Variants in NME8 observed in about 807,000 individuals in gnomAD.
NME8 encodes protein NME8.
A neutral mutation model predicts 82.3 loss-of-function variants in NME8; 72 were observed. The ratio of observed to expected loss-of-function variants is 0.87; its 90% confidence interval spans 0.72 to 1.06. The LOEUF (loss-of-function observed/expected upper bound fraction) is 1.06. NME8 is among the 50% of genes least tolerant of loss of function. The pLI, the probability that NME8 is intolerant of heterozygous loss-of-function variation, is 0.00. For synonymous variants in NME8, 267 were observed against 228.5 expected, an observed-to-expected ratio of 1.17 and a Z score of -1.52; for missense variants, 712 against 685.4, an observed-to-expected ratio of 1.04 and a Z score of -0.43.
At chr7:37,897,248 T>G in intron 17 of NME8, 141 bp downstream of exon 17, 4 of 639,696 alleles carry the variant, frequency 6.3e-6, no homozygotes, top group Non-Finnish European at 1.1e-5. Flanking sequence ...ACTGTTCTAT[T>G]GCATAGTAGC....
intron 11 of NME8, among the ~76,000 whole-genome samples, chr7:37,868,831 A>T (rs1784729100): frequency 6.6e-6 from 1 of 152,176 alleles, no homozygotes; most frequent in Non-Finnish European, 1.5e-5. Flanking sequence ...AAACGGTTGT[A>T]TATTTTTTGT....
At position 37,865,416 on chromosome 7, in the gene NME8, A is replaced by G. The variant is rs550018922; in HGVS notation, c.529-109A>G. ...TCCTATAGATTTTGCTGAGGTTCTT[A>G]TAGAAAATGTATTGAAAGCTGGTGG... is the stretch of plus-strand genomic sequence containing the variant. On this transcript the variant is annotated intron_variant, in intron 9 of 17. Coordinates refer to ENST00000199447, the MANE Select transcript of NME8 (RefSeq NM_016616.5). 29 of 751,938 alleles carry G rather than the reference A, an allele frequency of 3.9e-5. No homozygotes were observed. The African/African-American group carries it at 4.7e-4, about 12-fold the overall frequency. The allele number at this position is 751,938 out of a possible 1,614,324, so 46.6% of individuals were successfully genotyped here.
intron 12 of NME8, among the ~76,000 whole-genome samples, chr7:37,880,280 AGG>A (rs1188463440): frequency 6.6e-6 from 1 of 152,216 alleles, no homozygotes; most frequent in African/African-American, 2.4e-5. Context: ...GCTAACCACA[AGG>A]TCACCTAGAT....
intron 5 of NME8, among the ~76,000 whole-genome samples, chr7:37,854,525 C>T (rs1014529486): frequency 3.3e-5 from 5 of 152,100 alleles, no homozygotes; most frequent in African/African-American, 1.2e-4. Flanking sequence ...TATGTGGTAC[C>T]AATCCTTCTT....
chr7:37,864,074 G>A (rs374948441), intron 8 of NME8, among the ~76,000 whole-genome samples: 5 of 152,248 alleles, frequency 3.3e-5, no homozygotes, highest in East Asian at 3.9e-4. Flanking sequence ...CATGGGAATT[G>A]CATTCAAACC....
chr7:37,881,525 T>C (rs12701598), intron 12 of NME8, among the ~76,000 whole-genome samples: 71,098 of 151,952 alleles, frequency 0.47, 17,057 homozygotes, highest in East Asian at 0.74. Context: ...TGGTTTGTAA[T>C]TTTTTTATAC....
chr7:37,848,847 C>T lies in NME8; in HGVS notation c.-217C>T, dbSNP rs1181828273. 1 of 152,360 alleles carries T rather than the reference C, an allele frequency of 6.6e-6. No homozygotes were observed. The highest frequency in any genetic ancestry group is 6.5e-5 in the Admixed American group (1 of 15,288). 9.4% of individuals were successfully genotyped at this position (152,360 alleles called of 1,614,324 possible). A position where few individuals can be genotyped will look rare whatever the true frequency, so the allele number is the denominator to read the frequency against. On this transcript the variant is annotated 5_prime_UTR_variant, in exon 2 of 18. Transcript: ENST00000199447. ...AGACAGGCAGGGAATCCCTCTTCTT[C>T]CTTTTGCTGAATCAGCTGGAGAAGA...
chr7:37,883,492 C>G (rs530441640), intron 12 of NME8, among the ~76,000 whole-genome samples: 1 of 152,234 alleles, frequency 6.6e-6, no homozygotes, highest in Admixed American at 6.5e-5. Flanking sequence ...CTACTTTATT[C>G]ACTCTATTTC....
At chr7:37,869,304 C>T (rs1784735595) in intron 11 of NME8, among the ~76,000 whole-genome samples, 1 of 152,084 alleles carries the variant, frequency 6.6e-6, no homozygotes, top group Non-Finnish European at 1.5e-5. Context: ...CAGTTACTTT[C>T]AGGGTTTTAA....
chr7:37,878,354 T>C (rs1044396042), intron 12 of NME8, among the ~76,000 whole-genome samples: 8 of 152,190 alleles, frequency 5.3e-5, no homozygotes, highest in Non-Finnish European at 1.2e-4. Context: ...TTTGATTTGC[T>C]AATATTTTGT....
chr7:37,864,772 G>A (rs2122621), intron 9 of NME8, among the ~76,000 whole-genome samples: 5,625 of 152,234 alleles, frequency 0.037, 362 homozygotes, highest in African/African-American at 0.13. Flanking sequence ...ACATGGCTGG[G>A]GAGGCATCAC....
intron 17 of NME8, among the ~76,000 whole-genome samples, chr7:37,898,214 G>C (rs901721535): frequency 6.6e-6 from 1 of 152,180 alleles, no homozygotes; most frequent in African/African-American, 2.4e-5. Flanking sequence ...TCAGTGTACA[G>C]TGTACAATGA....
intron 14 of NME8, 53 bp from the exon 15 acceptor site, chr7:37,888,224 T>C (rs990201009): frequency 1.3e-6 from 2 of 1,550,696 alleles, no homozygotes; most frequent in Admixed American, 1.7e-5. Flanking sequence ...GAAATTGTGT[T>C]ATATTATTCT....
intron 15 of NME8, among the ~76,000 whole-genome samples, chr7:37,891,623 A>G (rs1317466108): frequency 6.6e-6 from 1 of 151,942 alleles, no homozygotes; most frequent in African/African-American, 2.4e-5. Context: ...TTATTGCAAT[A>G]TCTATCAGAG....
chr7:37,851,176 A>G (rs904212147), intron 5 of NME8, among the ~76,000 whole-genome samples: 14 of 152,222 alleles, frequency 9.2e-5, no homozygotes, highest in Admixed American at 9.2e-4. Flanking sequence ...TTAAAATATT[A>G]TAGCCAAACA....
intron 5 of NME8, among the ~76,000 whole-genome samples, chr7:37,853,339 C>G (rs951421936): frequency 6.6e-6 from 1 of 152,042 alleles, no homozygotes; most frequent in African/African-American, 2.4e-5. Flanking sequence ...ACCTGTTTCA[C>G]TCTGGAGAAT....
intron 11 of NME8, among the ~76,000 whole-genome samples, chr7:37,874,385 G>A (rs1281700413): frequency 6.6e-6 from 1 of 152,204 alleles, no homozygotes; most frequent in Admixed American, 6.5e-5. Flanking sequence ...TATTTTGACA[G>A]TTGTATTTTG....
chr7:37,891,207 T>C lies in NME8; in HGVS notation c.1399+2779T>C, dbSNP rs181254556. Among the ~76,000 whole-genome samples the C allele has an allele frequency of 1.2e-4, 19 of 152,048 alleles. No homozygotes were observed. In the East Asian group the frequency reaches 3.3e-3, roughly 26 times the overall value. ...TTTTGTCAGATGCATAGCTTGAAAA[T>C]ATTTTCTTGAATTCTGTAGGTTGTC... On this transcript the variant is annotated intron_variant, in intron 15 of 17. Transcript: ENST00000199447.
chr7:37,862,216 C>G, intron 7 of NME8, 72 bp downstream of exon 7: 7 of 979,302 alleles, frequency 7.1e-6, no homozygotes, highest in Non-Finnish European at 1.2e-5. Flanking sequence ...AAATGCACTA[C>G]TGGTGCTAGG....
Sources: gnomAD v4.1 joint callset for allele counts (sites outside exome capture counted in the v4.1 genomes callset) on GRCh38, gnomAD v4.1.1 for gene constraint, MANE v1.5 for transcripts, NCBI Gene and HGNC (gene_info 2026-07-23, HGNC 2026-07-21) for gene names.